Variants in OR1D2 observed in about 807,000 individuals in gnomAD.
OR1D2 encodes olfactory receptor family 1 subfamily D member 2.
For missense variants in OR1D2, 357 were observed against 376.1 expected (o/e 0.95, Z 0.42); for synonymous variants, 157 against 153.9 (o/e 1.02, Z -0.15).
At chr17:3,098,837 G>T (rs1170675263) in intron 1 of OR1D2, among the ~76,000 whole-genome samples, 1 of 152,178 alleles carries the variant, frequency 6.6e-6, no homozygotes, top group Admixed American at 6.5e-5. Context: ...GAACATAAAT[G>T]ACCTGATGGA....
Position 3,092,884 on chromosome 17 carries a change from G to A in OR1D2, c.113C>T (p.Thr38Met), listed in dbSNP as rs201210970. The change falls in exon 2 of 2, where the codon ACG (threonine) becomes ATG (methionine). Residue 38 changes from threonine to methionine, a missense_variant. Physicochemically the swap from Thr to Met is moderately conservative, Grantham distance 81. Coordinates refer to ENST00000641833, the MANE Select transcript of OR1D2 (RefSeq NM_002548.3). ...GATGATGAGCACATTTCCCACCACC[G>A]TGACCAGGTACATGGACAGGAACAT... ...FWMFLSMYLV[T>M]VVGNVLIILA... The A allele has an allele frequency of 1.0e-4, 166 of 1,614,006 alleles. No individual in the cohort carries two copies. In the East Asian group the frequency reaches 2.0e-3, roughly 19 times the overall value.
At position 3,093,004 on chromosome 17, in the gene OR1D2, A is replaced by C. The variant is rs1187076997; in HGVS notation, c.-8T>G. On this transcript the variant is annotated 5_prime_UTR_variant, in exon 2 of 2. Coordinates refer to ENST00000641833, the MANE Select transcript of OR1D2 (RefSeq NM_002548.3). ...CTGGTTGCCTCCATCCATTTCCCCA[A>C]CTCTCTTTTAACATTAACACCAGCA... 4 of 1,612,638 alleles carry C rather than the reference A, an allele frequency of 2.5e-6. No individual in the cohort carries two copies. In the East Asian group the frequency reaches 8.9e-5, roughly 36 times the overall value.
chr17:3,092,700 T>C lies in OR1D2; in HGVS notation c.297A>G (p.Thr99=), dbSNP rs769424. The C allele has an allele frequency of 0.16, 257,298 of 1,613,808 alleles. 27,806 individuals are homozygous for C. The highest frequency in any genetic ancestry group is 0.55 in the African/African-American group (40,831 of 74,864). The change falls in exon 2 of 2, where the codon ACA becomes ACG. Residue 99 remains threonine (T), a synonymous_variant. Transcript: ENST00000641833. The part of the protein sequence containing the change: ...NKAISYAGCL[T]QLYFLVSLVA... ...CCAAGGAGACCAGGAAGTAGAGCTG[T>C]GTCAGACACCCTGCATAGGAGATGG... is the stretch of plus-strand genomic sequence containing the variant.
At chr17:3,100,969 C>T (rs1260711324) in intron 1 of OR1D2, among the ~76,000 whole-genome samples, 1 of 152,040 alleles carries the variant, frequency 6.6e-6, no homozygotes, top group Admixed American at 6.5e-5. Flanking sequence ...ACGGCTAAAC[C>T]AGGAAGAAGT....
chr17:3,094,886 A>C (rs2047835951), intron 1 of OR1D2, among the ~76,000 whole-genome samples: 1 of 152,146 alleles, frequency 6.6e-6, no homozygotes, highest in South Asian at 2.1e-4. Context: ...TGAAATGAAG[A>C]TTTTATTAGT....
At chr17:3,099,660 T>C (rs1001306768) in intron 1 of OR1D2, among the ~76,000 whole-genome samples, 5 of 152,116 alleles carry the variant, frequency 3.3e-5, no homozygotes, top group African/African-American at 1.2e-4. Flanking sequence ...CAGGATCACA[T>C]TCACACATAA....
chr17:3,100,077 C>T (rs995477230), intron 1 of OR1D2, among the ~76,000 whole-genome samples: 5 of 152,086 alleles, frequency 3.3e-5, no homozygotes, highest in Admixed American at 6.6e-5. Flanking sequence ...TGTGTCTATG[C>T]GTCTTTAAAG....
intron 1 of OR1D2, among the ~76,000 whole-genome samples, chr17:3,100,488 A>T (rs2047869609): frequency 6.6e-6 from 1 of 152,206 alleles, no homozygotes; most frequent in African/African-American, 2.4e-5. Context: ...GAGAACAAAG[A>T]GACAATGTAC....
At chr17:3,093,778 G>A (rs555105313) in intron 1 of OR1D2, among the ~76,000 whole-genome samples, 3 of 152,160 alleles carry the variant, frequency 2.0e-5, no homozygotes, top group Admixed American at 6.5e-5. Flanking sequence ...AGAATCAGGC[G>A]AAACCTTCAA....
Position 3,089,919 on chromosome 17 carries a change from C to T in OR1D2, c.*2139G>A, listed in dbSNP as rs999003562. ...CCCCTAACAGTGCTGAGTTTATTTC[C>T]GGGTAGCTGGTGAGCAGGGCTGAAA... On this transcript the variant is annotated 3_prime_UTR_variant, in exon 2 of 2. Coordinates refer to ENST00000641833, the MANE Select transcript of OR1D2 (RefSeq NM_002548.3). 7.2e-5 allele frequency: 11 copies of T among 152,234 alleles called. No individual in the cohort carries two copies. The highest frequency in any genetic ancestry group is 5.8e-4 in the East Asian group (3 of 5,184). 9.4% of individuals were successfully genotyped at this position (152,234 alleles called of 1,614,324 possible).
chr17:3,099,801 T>C (rs1045810963), intron 1 of OR1D2, among the ~76,000 whole-genome samples: 5 of 152,010 alleles, frequency 3.3e-5, no homozygotes, highest in Admixed American at 6.5e-5. Flanking sequence ...AAGACACACA[T>C]AGGCTCAAAA....
chr17:3,102,155 T>A (rs1282126371), intron 1 of OR1D2, among the ~76,000 whole-genome samples: 1 of 152,158 alleles, frequency 6.6e-6, no homozygotes, highest in Non-Finnish European at 1.5e-5. Flanking sequence ...GCAAATTCAA[T>A]CTGAAACATG....
chr17:3,096,951 C>T (rs1261028292), intron 1 of OR1D2, among the ~76,000 whole-genome samples: 1 of 152,144 alleles, frequency 6.6e-6, no homozygotes, highest in Non-Finnish European at 1.5e-5. Flanking sequence ...TATGATAGAC[C>T]ATATTCTAGG....
At chr17:3,094,980 G>GA (rs1202132353) in intron 1 of OR1D2, among the ~76,000 whole-genome samples, 5 of 151,566 alleles carry the variant, frequency 3.3e-5, no homozygotes, top group African/African-American at 1.2e-4. Context: ...TAGAGGAAGA[G>GA]AAAAAATGAA....
In OR1D2 at chr17:3,091,055, CAG is replaced by C. The variant is rs2047804296; in HGVS notation, c.*1001_*1002del. The stretch of plus-strand genomic sequence containing the variant: ...GTGAGGGGTGATTCAGGTAATGTGA[CAG>C]AGTTTTTTCTACAATGTTCAATATG... On this transcript the variant is annotated 3_prime_UTR_variant, in exon 2 of 2. Coordinates refer to ENST00000641833, the MANE Select transcript of OR1D2 (RefSeq NM_002548.3). 1 of 152,158 alleles carries C rather than the reference CAG, an allele frequency of 6.6e-6. No individual in the cohort carries two copies. Among genetic ancestry groups the C allele is most frequent in the Non-Finnish European group, 1.5e-5 (1 of 68,024 alleles). 9.4% of individuals were successfully genotyped at this position (152,158 alleles called of 1,614,324 possible).
Position 3,092,031 on chromosome 17 carries a change from C to T in OR1D2, c.*27G>A, listed in dbSNP as rs779761053. The T allele has an allele frequency of 6.5e-7, 1 of 1,543,942 alleles. No homozygotes were observed. The highest frequency in any genetic ancestry group is 1.2e-5 in the South Asian group (1 of 83,668). ...GGGTGAAGGATATTCCTAGTCTCCACTTTAATGCTGTCTTTCCAAATTGCC... is the reference window on the plus strand; with the variant it reads ...GGGTGAAGGATATTCCTAGTCTCCATTTTAATGCTGTCTTTCCAAATTGCC... On this transcript the variant is annotated 3_prime_UTR_variant, in exon 2 of 2. Transcript: ENST00000641833.
chr17:3,098,395 G>A (rs1188408794), intron 1 of OR1D2, among the ~76,000 whole-genome samples: 1 of 152,138 alleles, frequency 6.6e-6, no homozygotes, highest in Non-Finnish European at 1.5e-5. Flanking sequence ...AATAGGGCCT[G>A]TAATGAGCCC....
Position 3,091,228 on chromosome 17 carries a change from A to G in OR1D2, c.*830T>C, listed in dbSNP as rs182032865. ...GAGAGATACAACTGTCGATTCCACCATCTTGTTGACATCACTCCTTTCACC... is the reference window on the plus strand; with the variant it reads ...GAGAGATACAACTGTCGATTCCACCGTCTTGTTGACATCACTCCTTTCACC... On this transcript the variant is annotated 3_prime_UTR_variant, in exon 2 of 2. Coordinates refer to ENST00000641833, the MANE Select transcript of OR1D2 (RefSeq NM_002548.3). 2 of 152,332 alleles carry G rather than the reference A, an allele frequency of 1.3e-5. No individual in the cohort carries two copies. The highest frequency in any genetic ancestry group is 1.9e-4 in the East Asian group (1 of 5,186). 9.4% of individuals were successfully genotyped at this position (152,332 alleles called of 1,614,324 possible).
intron 1 of OR1D2, among the ~76,000 whole-genome samples, chr17:3,097,839 G>A (rs997485041): frequency 6.6e-6 from 1 of 152,154 alleles, no homozygotes; most frequent in Non-Finnish European, 1.5e-5. Context: ...TCCCCTGCCG[G>A]AGCCTGGGAG....
Sources: allele counts gnomAD v4.1 joint callset (sites outside exome capture counted in the v4.1 genomes callset), GRCh38; gene constraint gnomAD v4.1.1; transcripts MANE v1.5; gene names NCBI Gene and HGNC (gene_info 2026-07-23, HGNC 2026-07-21).